The following GRIP1 variants were observed in gnomAD, a reference collection of about 807,000 sequenced individuals.
GRIP1 encodes the protein glutamate receptor interacting protein 1.
Under a neutral mutation model 129.9 loss-of-function variants are expected in GRIP1, and 45 were observed. The observed-to-expected ratio is 0.35, with a 90% CI of 0.27 to 0.44. GRIP1 has a LOEUF of 0.44. Among genes scored for constraint, GRIP1 ranks in the 20% least tolerant of loss-of-function variants. GRIP1 has a pLI of 1.00. For synonymous variants in GRIP1, 530 were observed against 520.8 expected (o/e 1.02, Z -0.24); for missense variants, 1,196 against 1,396.8 (o/e 0.86, Z 2.29).
chr12:66,878,602 T>C (rs1307695395), intron 1 of GRIP1, among the ~76,000 whole-genome samples: 1 of 152,010 alleles, frequency 6.6e-6, no homozygotes, highest in African/African-American at 2.4e-5. Flanking sequence ...ATTCTACATA[T>C]TCAACATTCA....
chr12:66,887,960 C>T (rs1410458026), intron 1 of GRIP1, among the ~76,000 whole-genome samples: 2 of 152,200 alleles, frequency 1.3e-5, no homozygotes, highest in African/African-American at 2.4e-5. Context: ...CTTCAAAAAG[C>T]TTTTAACAAA....
chr12:66,574,382 A>G (rs2063068765), intron 2 of GRIP1, among the ~76,000 whole-genome samples: 1 of 152,246 alleles, frequency 6.6e-6, no homozygotes, highest in African/African-American at 2.4e-5. Context: ...TACTCCTCCC[A>G]TCTCAGAGGA....
chr12:66,963,003 T>A (rs1281967486), intron 1 of GRIP1, among the ~76,000 whole-genome samples: 1 of 152,170 alleles, frequency 6.6e-6, no homozygotes, highest in Non-Finnish European at 1.5e-5. Flanking sequence ...ACTAAGTTTA[T>A]AATCAAACTT....
chr12:66,838,999 T>C (rs2039667070), intron 1 of GRIP1, among the ~76,000 whole-genome samples: 1 of 152,182 alleles, frequency 6.6e-6, no homozygotes, highest in Non-Finnish European at 1.5e-5. Context: ...TACCACAGAC[T>C]TGAATGTTTT....
chr12:66,472,860 C>T (rs1218736445), intron 7 of GRIP1, among the ~76,000 whole-genome samples: 2 of 152,170 alleles, frequency 1.3e-5, no homozygotes, highest in East Asian at 3.9e-4. Context: ...GGTGCCTAGG[C>T]CACCATGGCC....
chr12:66,781,400 A>G (rs910681299), intron 1 of GRIP1, among the ~76,000 whole-genome samples: 1 of 152,174 alleles, frequency 6.6e-6, no homozygotes, highest in African/African-American at 2.4e-5. Context: ...CTTATTTGCA[A>G]ATGGTAGAAA....
intron 15 of GRIP1, among the ~76,000 whole-genome samples, chr12:66,415,683 A>G (rs1337588743): frequency 6.6e-6 from 1 of 152,220 alleles, no homozygotes; most frequent in Non-Finnish European, 1.5e-5. Flanking sequence ...ATGCCCATTA[A>G]TGATAGACTG....
rs577867509 is a variant in GRIP1 at position 66,635,952 on chromosome 12, C to T, written c.56-39025G>A. Among the ~76,000 whole-genome samples, 3 of 152,266 alleles carry T rather than the reference C, an allele frequency of 2.0e-5. No individual in the cohort carries two copies. In the South Asian group the frequency reaches 6.2e-4, roughly 32 times the overall value. ...GCAGGAACTCAAAGAGACATTTGTA[C>T]ACCCGTGTTCATAGGAGCATTCTTC... On this transcript the variant is annotated intron_variant, in intron 1 of 24. Transcript: ENST00000359742.
chr12:66,823,260 G>A (rs917741691), intron 1 of GRIP1, among the ~76,000 whole-genome samples: 1 of 152,098 alleles, frequency 6.6e-6, no homozygotes, highest in African/African-American at 2.4e-5. Flanking sequence ...AATTTCCTAG[G>A]AAATTAAGAT....
chr12:66,878,071 A>G (rs2040412189), intron 1 of GRIP1, among the ~76,000 whole-genome samples: 1 of 152,072 alleles, frequency 6.6e-6, no homozygotes, highest in Non-Finnish European at 1.5e-5. Context: ...AGGGATATGA[A>G]TGGCTGTTCT....
intron 8 of GRIP1, among the ~76,000 whole-genome samples, chr12:66,465,011 T>A (rs2138348974): frequency 6.6e-6 from 1 of 150,652 alleles, no homozygotes; most frequent in East Asian, 1.9e-4. Flanking sequence ...AGTGCAATGG[T>A]TCAGCTCACT....
intron 1 of GRIP1, among the ~76,000 whole-genome samples, chr12:66,940,962 G>GT (rs1333769310): frequency 6.6e-6 from 1 of 151,994 alleles, no homozygotes. Flanking sequence ...TCTGATATCA[G>GT]TTTTTTTAGT....
chr12:66,622,973 TC>T (rs1038036035), intron 1 of GRIP1, among the ~76,000 whole-genome samples: 12 of 152,164 alleles, frequency 7.9e-5, no homozygotes, highest in African/African-American at 2.9e-4. Context: ...CTTAGCTGTC[TC>T]CCCCTCTATA....
chr12:66,523,806 T>C (rs1364290624), intron 5 of GRIP1, among the ~76,000 whole-genome samples: 1 of 150,850 alleles, frequency 6.6e-6, no homozygotes, highest in African/African-American at 2.4e-5. Context: ...GAGACACACA[T>C]AGGCTCAAAA....
intron 1 of GRIP1, among the ~76,000 whole-genome samples, chr12:66,629,218 A>G (rs1305801742): frequency 1.3e-5 from 2 of 152,232 alleles, no homozygotes; most frequent in Non-Finnish European, 2.9e-5. Flanking sequence ...GTTTTAGTAC[A>G]TTAGGATATT....
intron 13 of GRIP1, among the ~76,000 whole-genome samples, chr12:66,441,269 C>T (rs2138067251): frequency 6.6e-6 from 1 of 152,282 alleles, no homozygotes; most frequent in East Asian, 1.9e-4. Context: ...AAAATGCCAC[C>T]TTCTTTTGGT....
At chr12:66,997,742 A>G (rs2042490759) in intron 1 of GRIP1, among the ~76,000 whole-genome samples, 1 of 152,178 alleles carries the variant, frequency 6.6e-6, no homozygotes, top group Non-Finnish European at 1.5e-5. Flanking sequence ...CCTGATGACA[A>G]TCTAGCAGGA....
chr12:66,805,774 C>T (rs756248850), upstream of GRIP1, among the ~76,000 whole-genome samples: 3 of 152,128 alleles, frequency 2.0e-5, no homozygotes, highest in Non-Finnish European at 2.9e-5. Flanking sequence ...CAGCCAAGAA[C>T]ATATCACATC....
chr12:66,522,243 G>A (rs1257923045), intron 5 of GRIP1, among the ~76,000 whole-genome samples: 1 of 152,194 alleles, frequency 6.6e-6, no homozygotes, highest in African/African-American at 2.4e-5. Context: ...TAACTGGGAG[G>A]CACCCCCAAA....
Sources: allele counts gnomAD v4.1 joint callset (sites outside exome capture counted in the v4.1 genomes callset), GRCh38; gene constraint gnomAD v4.1.1; transcripts MANE v1.5; gene names NCBI Gene and HGNC (gene_info 2026-07-23, HGNC 2026-07-21).